The following SHLD1 variants were observed in gnomAD, a reference collection of about 807,000 sequenced individuals.
The protein encoded by SHLD1 is RINN1-REV7-interacting novel NHEJ regulator 3.
A neutral mutation model predicts 5.5 loss-of-function variants in SHLD1; 3 were observed. The observed-to-expected ratio is 0.54, with a 90% CI of 0.25 to 1.40. The LOEUF (loss-of-function observed/expected upper bound fraction) is 1.40, where lower values mean the gene tolerates loss of function less well. Ranked by LOEUF, SHLD1 falls within the 40% of genes most tolerant of loss-of-function variation. SHLD1 has a pLI of 0.15. For synonymous variants in SHLD1, 92 were observed against 94.3 expected (o/e 0.98, Z 0.14); for missense variants, 210 against 244.4 (o/e 0.86, Z 0.94).
Position 5,813,906 on chromosome 20 carries a change from A to G in SHLD1, c.178+40863A>G, listed in dbSNP as rs1226591846. On this transcript the variant is annotated intron_variant, in intron 2 of 2. Coordinates refer to ENST00000303142, the MANE Select transcript of SHLD1 (RefSeq NM_152504.4). ...AATTAAGTGGCTTTTAAACTAAGAC[A>G]CAAGCCTGCTTTTCTCAAACACCTT... is the stretch of plus-strand genomic sequence containing the variant. Among the ~76,000 whole-genome samples the G allele has an allele frequency of 2.0e-5, 3 of 151,208 alleles. No homozygotes were observed. In the East Asian group the frequency reaches 5.8e-4, roughly 29 times the overall value.
chr20:5,767,350 A>G (rs886172037), intron 1 of SHLD1, among the ~76,000 whole-genome samples: 14 of 152,192 alleles, frequency 9.2e-5, no homozygotes, highest in African/African-American at 3.4e-4. Flanking sequence ...TATGTTGCCC[A>G]GGCTGGTCTC....
At chr20:5,816,675 A>T (rs1328452326) in intron 2 of SHLD1, among the ~76,000 whole-genome samples, 1 of 152,184 alleles carries the variant, frequency 6.6e-6, no homozygotes, top group Admixed American at 6.5e-5. Flanking sequence ...CATTCTACTC[A>T]AGAACTAATA....
chr20:5,779,045 A>T (rs1009800722), intron 2 of SHLD1, among the ~76,000 whole-genome samples: 3 of 152,056 alleles, frequency 2.0e-5, no homozygotes, highest in African/African-American at 7.2e-5. Context: ...TCTACTAAAA[A>T]TACAAAAATC....
chr20:5,813,521 A>G lies in SHLD1; in HGVS notation c.178+40478A>G, dbSNP rs925181893. Among the ~76,000 whole-genome samples the G allele has an allele frequency of 3.3e-5, 5 of 152,066 alleles. No individual in the cohort carries two copies. The East Asian group carries it at 9.7e-4, about 29-fold the overall frequency. ...ATAAATAATTCTAGTTCTTAGGATC[A>G]TGGTTGGAAGGGGCAGAAGGGGTAT... On this transcript the variant is annotated intron_variant, in intron 2 of 2. Coordinates refer to ENST00000303142, the MANE Select transcript of SHLD1 (RefSeq NM_152504.4).
chr20:5,843,727 G>A (rs1192244738), intron 2 of SHLD1, among the ~76,000 whole-genome samples: 4 of 152,134 alleles, frequency 2.6e-5, no homozygotes, highest in Non-Finnish European at 5.9e-5. Flanking sequence ...TTATCCAACA[G>A]TTTTAGATGT....
intron 2 of SHLD1, among the ~76,000 whole-genome samples, chr20:5,799,717 G>C (rs2087264608): frequency 1.3e-5 from 2 of 151,964 alleles, no homozygotes; most frequent in South Asian, 4.2e-4. Flanking sequence ...CTTACTATAG[G>C]GTCAGTACCA....
Position 5,790,910 on chromosome 20 carries a change from C to G in SHLD1, c.178+17867C>G, listed in dbSNP as rs2087129157. ...GAGCGCGGTGGCTCACGCCTGTACTCCCAGCACTTTGGGAGGCTGAGGCAG... is the reference window on the plus strand; with the variant it reads ...GAGCGCGGTGGCTCACGCCTGTACTGCCAGCACTTTGGGAGGCTGAGGCAG... On this transcript the variant is annotated intron_variant, in intron 2 of 2. Transcript: ENST00000303142. Among the ~76,000 whole-genome samples the G allele has an allele frequency of 3.3e-5, 5 of 152,158 alleles. No homozygotes were observed. The South Asian group carries it at 1.0e-3, about 32-fold the overall frequency.
intron 2 of SHLD1, among the ~76,000 whole-genome samples, chr20:5,790,982 G>A (rs2087130127): frequency 6.6e-6 from 1 of 151,826 alleles, no homozygotes. Flanking sequence ...GGATGATATA[G>A]TAAGACCCTG....
intron 2 of SHLD1, among the ~76,000 whole-genome samples, chr20:5,845,042 C>T (rs1019587180): frequency 2.0e-5 from 3 of 151,882 alleles, no homozygotes; most frequent in Admixed American, 6.6e-5. Context: ...AGGTGATCCA[C>T]CTGCCTCGGC....
intron 2 of SHLD1, among the ~76,000 whole-genome samples, chr20:5,848,815 C>CGTG (rs1452502816): frequency 3.3e-5 from 5 of 152,106 alleles, no homozygotes; most frequent in Non-Finnish European, 7.4e-5. Flanking sequence ...TTTATTCCTC[C>CGTG]GTGGTGGCCT....
In SHLD1 at chr20:5,806,843, G is replaced by A. The variant is rs1315247567; in HGVS notation, c.178+33800G>A. On this transcript the variant is annotated intron_variant, in intron 2 of 2. Coordinates refer to ENST00000303142, the MANE Select transcript of SHLD1 (RefSeq NM_152504.4). The surrounding 1 kb of genome is among the most constrained non-coding windows in gnomAD (Gnocchi z 7.6). Reference sequence around the variant, plus strand: ...AGAGTGGTGGCAGTGATGGTTGCCAGCCCTCTGTCACCACCCTCTCCACTA... The same window carrying A: ...AGAGTGGTGGCAGTGATGGTTGCCAACCCTCTGTCACCACCCTCTCCACTA... Among the ~76,000 whole-genome samples the A allele has an allele frequency of 6.6e-6, 1 of 152,248 alleles. No individual in the cohort carries two copies. Among genetic ancestry groups the A allele is most frequent in the African/African-American group, 2.4e-5 (1 of 41,470 alleles).
intron 2 of SHLD1, among the ~76,000 whole-genome samples, chr20:5,836,392 T>G (rs2087789528): frequency 6.6e-6 from 1 of 152,114 alleles, no homozygotes; most frequent in African/African-American, 2.4e-5. Context: ...ATGGAATATT[T>G]TAATATTTGG....
At chr20:5,792,481 A>G (rs1417246724) in intron 2 of SHLD1, among the ~76,000 whole-genome samples, 1 of 151,982 alleles carries the variant, frequency 6.6e-6, no homozygotes, top group Non-Finnish European at 1.5e-5. Flanking sequence ...GTACAGTGGC[A>G]TGATCTCGGC....
At chr20:5,757,727 C>T (rs146820398) in intron 1 of SHLD1, among the ~76,000 whole-genome samples, 6,612 of 152,168 alleles carry the variant, frequency 0.043, 201 homozygotes, top group Non-Finnish European at 0.068. Flanking sequence ...CTCAGCCCCC[C>T]GAGTACCTGG....
At chr20:5,797,193 G>C (rs917096973) in intron 2 of SHLD1, among the ~76,000 whole-genome samples, 6 of 152,106 alleles carry the variant, frequency 3.9e-5, no homozygotes, top group Non-Finnish European at 7.4e-5. Context: ...AAAGGAATTA[G>C]GAAAGGAAAG....
intron 2 of SHLD1, among the ~76,000 whole-genome samples, chr20:5,848,926 C>A (rs562814647): frequency 2.9e-4 from 44 of 152,290 alleles, no homozygotes; most frequent in Non-Finnish European, 5.1e-4. Flanking sequence ...CCAGTTTGAA[C>A]TTTCAGATAT....
In SHLD1 at chr20:5,839,486, AAGATAGATAGAT is replaced by A. The variant is rs3058152; in HGVS notation, c.179-23509_179-23498del. Among the ~76,000 whole-genome samples the A allele has an allele frequency of 5.7e-3, 857 of 150,004 alleles. 8 individuals are homozygous for A. Among genetic ancestry groups the A allele is most frequent in the African/African-American group, 0.019 (763 of 40,804 alleles). On this transcript the variant is annotated intron_variant, in intron 2 of 2. Coordinates refer to ENST00000303142, the MANE Select transcript of SHLD1 (RefSeq NM_152504.4). ...TGGATGAATGGATAAATTAGATAGA[AAGATAGATAGAT>A]AGATAGATAGATAGATAGATAGATA... is the stretch of plus-strand genomic sequence containing the variant.
intron 2 of SHLD1, among the ~76,000 whole-genome samples, chr20:5,816,929 C>T (rs1002666072): frequency 2.0e-4 from 30 of 151,950 alleles, no homozygotes; most frequent in East Asian, 5.8e-4. Flanking sequence ...AATAGCTGGG[C>T]GTGGTGGTGC....
At chr20:5,768,490 G>A (rs946881850) in intron 1 of SHLD1, among the ~76,000 whole-genome samples, 4 of 152,222 alleles carry the variant, frequency 2.6e-5, no homozygotes, top group African/African-American at 9.6e-5. Context: ...CTCCAAACTA[G>A]GAGGGAAGGG....
Sources: gnomAD v4.1 joint callset for allele counts (sites outside exome capture counted in the v4.1 genomes callset) on GRCh38, gnomAD v4.1.1 for gene constraint, Gnocchi (gnomAD v3.1) non-coding constraint, MANE v1.5 for transcripts, NCBI Gene and HGNC (gene_info 2026-07-23, HGNC 2026-07-21) for gene names.